MAP3K1: variants seen among roughly 807,000 people sequenced by gnomAD.
MAP3K1 encodes MAP/ERK kinase kinase 1.
In MAP3K1, 36 loss-of-function variants were observed where a neutral mutation model predicts 144.2. That is an observed-to-expected ratio of 0.25 (90% CI 0.19 to 0.33). MAP3K1 has a LOEUF of 0.33. MAP3K1 is among the 10% of genes least tolerant of loss of function. The probability of loss-of-function intolerance (pLI) is 1.00; values close to 1 mark genes in which losing one functional copy is unlikely to be tolerated. For synonymous variants in MAP3K1, 718 were observed against 688.7 expected (o/e 1.04, Z -0.67); for missense variants, 1,650 against 1,881.9 (o/e 0.88, Z 2.28).
In MAP3K1 at chr5:56,879,122, C is replaced by G. The variant is rs746689072; in HGVS notation, c.2087+21C>G. 19 of 1,613,694 alleles carry G rather than the reference C, an allele frequency of 1.2e-5. No individual in the cohort carries two copies. The South Asian group carries it at 2.1e-4, about 18-fold the overall frequency. ...AATAGGTAAGGCTTTATTGATGAATCACTTCAAACCCTCTTGTCTTAAAAG... is the reference window on the plus strand; with the variant it reads ...AATAGGTAAGGCTTTATTGATGAATGACTTCAAACCCTCTTGTCTTAAAAG... On this transcript the variant is annotated intron_variant, in intron 11 of 19. Coordinates refer to ENST00000399503, the MANE Select transcript of MAP3K1 (RefSeq NM_005921.2).
intron 1 of MAP3K1, among the ~76,000 whole-genome samples, chr5:56,845,479 T>TA (rs948431330): frequency 6.6e-6 from 1 of 151,748 alleles, no homozygotes; most frequent in African/African-American, 2.4e-5. Flanking sequence ...AGAACACCCC[T>TA]CCCCCCACAG....
Position 56,815,861 on chromosome 5 carries a change from G to C in MAP3K1, c.288G>C (p.Ala96=). The C allele has an allele frequency of 7.2e-7, 1 of 1,397,568 alleles. No homozygotes were observed. Among genetic ancestry groups the C allele is most frequent in the Non-Finnish European group, 9.3e-7 (1 of 1,071,644 alleles). 86.6% of individuals were successfully genotyped at this position (1,397,568 alleles called of 1,614,324 possible). ...CGACTTCCCCGTCGCCGGAGCCCGC[G>C]GACGCAGCGGGGAGTGGGACCGGCT... ...ASSTSPSPEP[A]DAAGSGTGFQ... The change falls in exon 1 of 20, where the codon GCG becomes GCC. Residue 96 remains alanine, a synonymous_variant. Coordinates refer to ENST00000399503, the MANE Select transcript of MAP3K1 (RefSeq NM_005921.2).
intron 1 of MAP3K1, among the ~76,000 whole-genome samples, chr5:56,847,030 C>G (rs1231837389): frequency 2.0e-5 from 3 of 152,174 alleles, no homozygotes; most frequent in Non-Finnish European, 4.4e-5. Context: ...CAAAGAAACA[C>G]CATAACCAAG....
intron 1 of MAP3K1, among the ~76,000 whole-genome samples, chr5:56,853,209 C>T (rs1747229754): frequency 6.6e-6 from 1 of 151,994 alleles, no homozygotes; most frequent in African/African-American, 2.4e-5. Context: ...TTGCAAGAGG[C>T]ATTCATATTT....
chr5:56,892,356 T>C (rs1748574861), intron 19 of MAP3K1, among the ~76,000 whole-genome samples: 1 of 152,212 alleles, frequency 6.6e-6, no homozygotes, highest in Non-Finnish European at 1.5e-5. Context: ...AGAATGCTTG[T>C]GATTTTTGCA....
intron 9 of MAP3K1, among the ~76,000 whole-genome samples, chr5:56,874,825 G>A (rs2111919643): frequency 6.6e-6 from 1 of 152,210 alleles, no homozygotes; most frequent in East Asian, 1.9e-4. Flanking sequence ...AAATATTAAT[G>A]ACTTTGGATA....
At chr5:56,879,984 G>A (rs779625072) in intron 11 of MAP3K1, among the ~76,000 whole-genome samples, 1 of 152,066 alleles carries the variant, frequency 6.6e-6, no homozygotes, top group Non-Finnish European at 1.5e-5. Flanking sequence ...TACCTTTAAC[G>A]AATTTCTCAT....
Position 56,815,862 on chromosome 5 carries a change from G to T in MAP3K1, c.289G>T (p.Asp97Tyr). 1 of 1,398,088 alleles carries T rather than the reference G, an allele frequency of 7.2e-7. No homozygotes were observed. Among genetic ancestry groups the T allele is most frequent in the South Asian group, 1.5e-5 (1 of 66,626 alleles). 86.6% of individuals were successfully genotyped at this position (1,398,088 alleles called of 1,614,324 possible). A position where few individuals can be genotyped will look rare whatever the true frequency, so the allele number is the denominator to read the frequency against. The change falls in exon 1 of 20, where the codon GAC becomes TAC. Residue 97 changes from aspartate (D) to tyrosine (Y), a missense_variant. This residue lies in a region of MAP3K1 where 360 missense variants were observed against 274.7 expected (regional missense o/e 1.31). Coordinates refer to ENST00000399503, the MANE Select transcript of MAP3K1 (RefSeq NM_005921.2). ...GACTTCCCCGTCGCCGGAGCCCGCGGACGCAGCGGGGAGTGGGACCGGCTT... is the reference window on the plus strand; with the variant it reads ...GACTTCCCCGTCGCCGGAGCCCGCGTACGCAGCGGGGAGTGGGACCGGCTT... ...SSTSPSPEPA[D>Y]AAGSGTGFQP...
intron 1 of MAP3K1, among the ~76,000 whole-genome samples, chr5:56,854,432 C>CAAAAAAAAAAAAAAAAAAAA (rs10647091): frequency 9.4e-5 from 8 of 85,322 alleles, no homozygotes; most frequent in Non-Finnish European, 1.5e-4. Flanking sequence ...AACTCCATCT[C>CAAAAAAAAAAAAAAAAAAAA]AAAAAAAAAA....
At chr5:56,875,504 C>T (rs1234813852) in intron 10 of MAP3K1, among the ~76,000 whole-genome samples, 194 bp downstream of exon 10, 2 of 151,860 alleles carry the variant, frequency 1.3e-5, no homozygotes, top group East Asian at 3.9e-4. Context: ...TTATGATGTC[C>T]AAGGTTTCTT....
At chr5:56,832,928 G>A (rs981692421) in intron 1 of MAP3K1, among the ~76,000 whole-genome samples, 2 of 152,250 alleles carry the variant, frequency 1.3e-5, no homozygotes, top group Non-Finnish European at 2.9e-5. Context: ...CTGGAGTGCA[G>A]TGGGGCTATC....
rs371308035 is a variant in MAP3K1 at position 56,866,896 on chromosome 5, C to G, written c.1301+919C>G. ...CGAGTTTTTAGACATTGAAGATTTT[C>G]TAGTTGGCATGTCTCAGTGACACAG... On this transcript the variant is annotated intron_variant, in intron 6 of 19. Coordinates refer to ENST00000399503, the MANE Select transcript of MAP3K1 (RefSeq NM_005921.2). 2.6e-4 allele frequency among the ~76,000 whole-genome samples: 39 copies of G among 152,254 alleles called. 1 individual carries two copies. The highest frequency in any genetic ancestry group is 7.5e-4 in the African/African-American group (31 of 41,528).
chr5:56,883,000 T>G, intron 14 of MAP3K1, 134 bp downstream of exon 14: 1 of 709,388 alleles, frequency 1.4e-6, no homozygotes, highest in Non-Finnish European at 2.3e-6. Flanking sequence ...ACTAGCCTGG[T>G]CAACAAAGCA....
At chr5:56,856,430 A>G (rs538891866) in intron 1 of MAP3K1, among the ~76,000 whole-genome samples, 170 bp from the exon 2 acceptor site, 11 of 152,366 alleles carry the variant, frequency 7.2e-5, no homozygotes, top group Non-Finnish European at 5.9e-5. Context: ...TGTCAGTAGT[A>G]TATAATTCAG....
rs984911714 is a variant in MAP3K1, at chr5:56,856,864, T to A, written c.633+114T>A. ...CTTCTTCATTTTAAATGTAGTAGTT[T>A]TCTTTACTTGATATTGTGGTCATTT... is the stretch of plus-strand genomic sequence containing the variant. On this transcript the variant is annotated intron_variant, in intron 2 of 19. Transcript: ENST00000399503. The A allele has an allele frequency of 4.4e-5, 50 of 1,131,788 alleles. No individual in the cohort carries two copies. The South Asian group carries it at 6.7e-4, about 15-fold the overall frequency. The allele number at this position is 1,131,788 out of a possible 1,614,324, so 70.1% of individuals were successfully genotyped here. A position where few individuals can be genotyped will look rare whatever the true frequency, so the allele number is the denominator to read the frequency against.
Position 56,873,864 on chromosome 5 carries a change from TA to T in MAP3K1, c.1686+860del, listed in dbSNP as rs199783268. Among the ~76,000 whole-genome samples the T allele has an allele frequency of 7.3e-3, 1,106 of 152,274 alleles. 22 individuals are homozygous for T. Among genetic ancestry groups the T allele is most frequent in the African/African-American group, 0.024 (1,008 of 41,556 alleles). On this transcript the variant is annotated intron_variant, in intron 9 of 19. Coordinates refer to ENST00000399503, the MANE Select transcript of MAP3K1 (RefSeq NM_005921.2). Reference sequence around the variant, plus strand: ...ATGAATCTAATAAAATCTGCAAAAATATTAAACACATTCTTGTACCTAGTTC... The same window carrying T: ...ATGAATCTAATAAAATCTGCAAAAATTTAAACACATTCTTGTACCTAGTTC...
At position 56,875,295 on chromosome 5, in the gene MAP3K1, G is replaced by A. The variant is rs2111921858; in HGVS notation, c.1950G>A (p.Val650=). 6.2e-7 allele frequency: 1 copy of A among 1,614,052 alleles called. No individual in the cohort carries two copies. The highest frequency in any genetic ancestry group is 2.2e-5 in the East Asian group (1 of 44,878). The change falls in exon 10 of 20, where the codon GTG becomes GTA. Residue 650 remains valine, a synonymous_variant. Transcript: ENST00000399503. ...SMVCADPVYK[V]YVAALKTLRA... is the part of the protein sequence containing the mutation. ...TCTGTGCTGACCCTGTCTACAAAGT[G>A]TACGTTGCTGCTTTAGTAAGTAGCT...
At chr5:56,858,239 A>G (rs777534233) in intron 2 of MAP3K1, among the ~76,000 whole-genome samples, 13 of 152,246 alleles carry the variant, frequency 8.5e-5, no homozygotes, top group South Asian at 2.1e-4. Flanking sequence ...AGGTGTTCAA[A>G]CAGCCTAAAT....
chr5:56,835,206 C>G (rs1746610322), intron 1 of MAP3K1, among the ~76,000 whole-genome samples: 2 of 152,174 alleles, frequency 1.3e-5, no homozygotes, highest in South Asian at 4.1e-4. Context: ...TCAGCTTCCT[C>G]CCTGAAGAAT....
Sources: allele counts gnomAD v4.1 joint callset (sites outside exome capture counted in the v4.1 genomes callset), GRCh38; gene constraint gnomAD v4.1.1; regional missense constraint gnomAD v4.1.1; transcripts MANE v1.5; gene names NCBI Gene and HGNC (gene_info 2026-07-23, HGNC 2026-07-21).